ARHGEF10L: variants seen among roughly 807,000 people sequenced by gnomAD.
ARHGEF10L encodes rho guanine nucleotide exchange factor 10-like protein.
Under a neutral mutation model 141.2 loss-of-function variants are expected in ARHGEF10L, and 69 were observed. The observed-to-expected ratio is 0.49, with a 90% confidence interval of 0.40 to 0.60. The LOEUF is 0.60. ARHGEF10L is among the 20% of genes least tolerant of loss of function. ARHGEF10L has a pLI of 0.00. For missense variants in ARHGEF10L, 1,482 were observed against 1,734.3 expected (o/e 0.85, Z 2.58); for synonymous variants, 711 against 718.5 (o/e 0.99, Z 0.17).
intron 25 of ARHGEF10L, among the ~76,000 whole-genome samples, chr1:17,660,206 T>A (rs977428146): frequency 1.3e-5 from 2 of 152,156 alleles, no homozygotes; most frequent in African/African-American, 4.8e-5. Flanking sequence ...TGCCACGCCT[T>A]GGGTGGGGAT....
chr1:17,590,862 C>T (rs910760954), intron 4 of ARHGEF10L, among the ~76,000 whole-genome samples: 1 of 152,168 alleles, frequency 6.6e-6, no homozygotes, highest in Non-Finnish European at 1.5e-5. Context: ...TGAACGGTGC[C>T]TGTAATTCCA....
chr1:17,634,178 G>A lies in ARHGEF10L; in HGVS notation c.1731-370G>A, dbSNP rs144750801. On this transcript the variant is annotated intron_variant, in intron 16 of 28. Transcript: ENST00000361221. The stretch of plus-strand genomic sequence containing the variant: ...TATATCCTGGGCACCGTGTGGTGCC[G>A]GCGGTATGATGAATACCCTCTCTGC... The A allele has an allele frequency of 1.8e-3, 621 of 340,688 alleles. 1 individual carries two copies. The highest frequency in any genetic ancestry group is 2.6e-3 in the Non-Finnish European group (478 of 185,554). The allele number at this position is 340,688 out of a possible 1,614,324, so 21.1% of individuals were successfully genotyped here.
In ARHGEF10L at chr1:17,656,736, G is replaced by C. The variant is rs377217352; in HGVS notation, c.2860+28G>C. On this transcript the variant is annotated intron_variant, in intron 25 of 28. Transcript: ENST00000361221. The surrounding 1 kb of genome is among the most constrained non-coding windows in gnomAD (Gnocchi z 4.9). ...GAGGACTGGGGGGAATGGGGGAAGGGGGGCAGTCCTGGATGCCAGCTGGGT... is the reference window on the plus strand; with the variant it reads ...GAGGACTGGGGGGAATGGGGGAAGGCGGGCAGTCCTGGATGCCAGCTGGGT... The C allele has an allele frequency of 9.4e-6, 15 of 1,600,158 alleles. No individual in the cohort carries two copies. Among genetic ancestry groups the C allele is most frequent in the African/African-American group, 1.3e-5 (1 of 74,698 alleles).
chr1:17,626,841 G>A (rs566843449), intron 14 of ARHGEF10L, among the ~76,000 whole-genome samples: 1 of 152,204 alleles, frequency 6.6e-6, no homozygotes, highest in Non-Finnish European at 1.5e-5. Flanking sequence ...AGGAAAACAC[G>A]TATACGTGGA....
intron 4 of ARHGEF10L, among the ~76,000 whole-genome samples, chr1:17,595,448 G>A (rs929587517): frequency 3.5e-4 from 53 of 152,076 alleles, no homozygotes; most frequent in Admixed American, 2.6e-4. Flanking sequence ...CAGCATGTGT[G>A]TGGGGGGCCA....
Position 17,654,686 on chromosome 1 carries a change from A to C in ARHGEF10L, c.2445A>C (p.Ser815=), listed in dbSNP as rs765318745. The change falls in exon 23 of 29, where the codon TCA becomes TCC. Residue 815 remains serine, a synonymous_variant. Transcript: ENST00000361221. The surrounding 1 kb of genome is among the most constrained non-coding windows in gnomAD (Gnocchi z 4.3). ...SPVNCPLLGF[S]AVSTSLPQGY... is the part of the protein sequence containing the mutation. The stretch of plus-strand genomic sequence containing the variant: ...TCAACTGTCCCCTGCTGGGTTTCTC[A>C]GCAGTCAGCACCTCCCTTCCACAGG... 21 of 1,614,140 alleles carry C rather than the reference A, an allele frequency of 1.3e-5. No individual in the cohort carries two copies. The South Asian group carries it at 2.1e-4, about 16-fold the overall frequency.
intron 1 of ARHGEF10L, among the ~76,000 whole-genome samples, chr1:17,576,224 G>T (rs1052003809): frequency 7.9e-5 from 12 of 152,150 alleles, no homozygotes; most frequent in African/African-American, 2.9e-4. Flanking sequence ...CAGGAGGAGG[G>T]TTTCCTAGTG....
intron 1 of ARHGEF10L, among the ~76,000 whole-genome samples, chr1:17,546,868 C>T (rs2076935949): frequency 6.6e-6 from 1 of 152,152 alleles, no homozygotes; most frequent in Non-Finnish European, 1.5e-5. Flanking sequence ...TGGCAGGCAC[C>T]TTGGTAGTGC....
Position 17,619,302 on chromosome 1 carries a change from T to A in ARHGEF10L, c.836-37T>A. 3.1e-6 allele frequency: 5 copies of A among 1,593,292 alleles called. No individual in the cohort carries two copies. The highest frequency in any genetic ancestry group is 4.3e-6 in the Non-Finnish European group (5 of 1,164,100). ...AGGCCTGAGCAGGGTGTGCTGTCCC[T>A]GCCTTAGCTGTGTCATCGGCCCATC... is the stretch of plus-strand genomic sequence containing the variant. On this transcript the variant is annotated intron_variant, in intron 9 of 28. Transcript: ENST00000361221. The surrounding 1 kb of genome is among the most constrained non-coding windows in gnomAD (Gnocchi z 5.0).
At chr1:17,516,570 G>A in the ARHGEF10L span, among the ~76,000 whole-genome samples, 34 of 152,212 alleles carry the variant, frequency 2.2e-4, 1 homozygote, top group Non-Finnish European at 1.0e-4. Flanking sequence ...GAAGGCCCGG[G>A]TCAGCCTTCC....
intron 2 of ARHGEF10L, among the ~76,000 whole-genome samples, chr1:17,585,350 G>C (rs1219253627): frequency 6.6e-6 from 1 of 152,154 alleles, no homozygotes; most frequent in South Asian, 2.1e-4. Flanking sequence ...CTGTCTCTGG[G>C]GTCTTGGGTA....
chr1:17,516,270 A>C, the ARHGEF10L span, among the ~76,000 whole-genome samples: 2 of 152,206 alleles, frequency 1.3e-5, no homozygotes, highest in Non-Finnish European at 2.9e-5. Context: ...GGATTTACTG[A>C]TTTGTTTTTC....
intron 1 of ARHGEF10L, among the ~76,000 whole-genome samples, chr1:17,541,435 C>T (rs774408093): frequency 1.3e-5 from 2 of 152,178 alleles, no homozygotes; most frequent in African/African-American, 2.4e-5. Context: ...AATGAATGTC[C>T]AATAACTAAT....
chr1:17,626,127 G>A (rs2060372499), intron 14 of ARHGEF10L, 79 bp downstream of exon 14: 1 of 1,286,704 alleles, frequency 7.8e-7, no homozygotes, highest in Admixed American at 1.8e-5. Context: ...GTAGGAGGGA[G>A]GAGGTCTGGG....
At position 17,697,666 on chromosome 1, in the gene ARHGEF10L, T is replaced by G; in HGVS notation, c.*286T>G. The G allele has an allele frequency of 1.7e-6, 1 of 580,362 alleles. No homozygotes were observed. The allele number at this position is 580,362 out of a possible 1,614,324, so 36.0% of individuals were successfully genotyped here. On this transcript the variant is annotated 3_prime_UTR_variant, in exon 29 of 29. Transcript: ENST00000361221. This position sits in a 1 kb window ranked among gnomAD's most constrained non-coding sequence, Gnocchi z 4.8. ...AACTGCCTGGCAAGCCCAGTATCACTTGTTTGGGCCCTAGCGGGACTCCAA... is the reference window on the plus strand; with the variant it reads ...AACTGCCTGGCAAGCCCAGTATCACGTGTTTGGGCCCTAGCGGGACTCCAA...
the ARHGEF10L span, among the ~76,000 whole-genome samples, chr1:17,522,796 CT>C: frequency 2.0e-5 from 3 of 152,118 alleles, no homozygotes; most frequent in Admixed American, 1.3e-4. Flanking sequence ...TCCCTCCCCC[CT>C]GGAAGGTGAA....
intron 4 of ARHGEF10L, among the ~76,000 whole-genome samples, chr1:17,591,000 C>G (rs899388340): frequency 7.2e-5 from 11 of 152,120 alleles, no homozygotes; most frequent in Admixed American, 5.9e-4. Context: ...AACAAACAAA[C>G]AAAGAAACAA....
chr1:17,651,541 A>C (rs1452190636), intron 22 of ARHGEF10L, among the ~76,000 whole-genome samples: 1 of 152,170 alleles, frequency 6.6e-6, no homozygotes. Flanking sequence ...GAGCCCTGAC[A>C]GATCAGACCC....
At chr1:17,584,604 A>C (rs932408803) in intron 2 of ARHGEF10L, among the ~76,000 whole-genome samples, 9 of 152,208 alleles carry the variant, frequency 5.9e-5, no homozygotes, top group African/African-American at 2.2e-4. Context: ...GAGTCTCAGC[A>C]GGTCTCTATG....
Sources: gnomAD v4.1 joint callset for allele counts (sites outside exome capture counted in the v4.1 genomes callset) on GRCh38, gnomAD v4.1.1 for gene constraint, Gnocchi (gnomAD v3.1) non-coding constraint, MANE v1.5 for transcripts, NCBI Gene and HGNC (gene_info 2026-07-23, HGNC 2026-07-21) for gene names.